Variants in TMEM132C observed in about 807,000 individuals in gnomAD.
TMEM132C encodes the protein transmembrane protein 132C.
TMEM132C carries 29 observed loss-of-function variants against 61.4 expected under a neutral mutation model. The ratio of observed to expected loss-of-function variants is 0.47; its 90% CI spans 0.35 to 0.64. TMEM132C has a LOEUF of 0.64. TMEM132C is among the 30% of genes least tolerant of loss of function. The pLI is 0.00. For synonymous variants in TMEM132C, 656 were observed against 633.1 expected, an observed-to-expected ratio of 1.04 and a Z score of -0.54; for missense variants, 1,408 against 1,476.9, an observed-to-expected ratio of 0.95 and a Z score of 0.76.
chr12:128,295,571 G>A (rs1871382058), intron 1 of TMEM132C, among the ~76,000 whole-genome samples: 1 of 150,264 alleles, frequency 6.7e-6, no homozygotes, highest in Non-Finnish European at 1.5e-5. Context: ...CCCTGGGTAT[G>A]CTTTCATTCC....
chr12:128,568,108 C>A (rs948583098), intron 3 of TMEM132C, among the ~76,000 whole-genome samples: 2 of 152,188 alleles, frequency 1.3e-5, no homozygotes, highest in Non-Finnish European at 2.9e-5. Flanking sequence ...ATTTAGGGAA[C>A]AAATGATGCC....
At chr12:128,288,782 C>T (rs1300555321) in intron 1 of TMEM132C, 1 of 152,214 alleles carries the variant, frequency 6.6e-6, no homozygotes, top group Non-Finnish European at 1.5e-5. Context: ...CAGTCACAGG[C>T]TAAATAAGCC....
At chr12:128,291,045 T>C (rs2135908590) in intron 1 of TMEM132C, among the ~76,000 whole-genome samples, 2 of 152,106 alleles carry the variant, frequency 1.3e-5, no homozygotes, top group South Asian at 4.2e-4. Context: ...TGTAGGTGAG[T>C]GCACCATCCT....
At chr12:128,675,863 A>AGATAGAT (rs1954580250) in intron 5 of TMEM132C, among the ~76,000 whole-genome samples, 1 of 138,180 alleles carries the variant, frequency 7.2e-6, no homozygotes, top group Non-Finnish European at 1.5e-5. Flanking sequence ...ATAGATAGAT[A>AGATAGAT]GATAGATAGA....
At chr12:128,275,878 C>A (rs1870672468) in intron 1 of TMEM132C, among the ~76,000 whole-genome samples, 1 of 152,162 alleles carries the variant, frequency 6.6e-6, no homozygotes, top group South Asian at 2.1e-4. Flanking sequence ...CAGGGCCATG[C>A]ACTGTGCTGA....
chr12:128,685,800 C>G (rs777478005), intron 5 of TMEM132C, among the ~76,000 whole-genome samples: 27 of 152,212 alleles, frequency 1.8e-4, no homozygotes, highest in Non-Finnish European at 2.2e-4. Flanking sequence ...TGTGTGATCA[C>G]GGGCAAGGTA....
At chr12:128,664,144 A>G (rs1216263081) in intron 4 of TMEM132C, among the ~76,000 whole-genome samples, 2 of 147,712 alleles carry the variant, frequency 1.4e-5, no homozygotes, top group African/African-American at 5.2e-5. Context: ...TCACACAGGC[A>G]CACACACATG....
At chr12:128,492,283 C>A (rs1376388666) in intron 2 of TMEM132C, among the ~76,000 whole-genome samples, 1 of 152,112 alleles carries the variant, frequency 6.6e-6, no homozygotes, top group Non-Finnish European at 1.5e-5. Context: ...CAAGTCTTTG[C>A]TATTGTGAAT....
intron 1 of TMEM132C, among the ~76,000 whole-genome samples, chr12:128,333,169 G>A (rs956908920): frequency 6.6e-6 from 1 of 151,274 alleles, no homozygotes; most frequent in African/African-American, 2.4e-5. Flanking sequence ...TTGTGTGTGT[G>A]TTGTGTGTGG....
chr12:128,316,019 C>T (rs1405828942), intron 1 of TMEM132C, among the ~76,000 whole-genome samples: 7 of 151,882 alleles, frequency 4.6e-5, no homozygotes, highest in Admixed American at 4.6e-4. Flanking sequence ...TGTTCTAAGT[C>T]ACCCAGTTTG....
chr12:128,335,282 A>G (rs1220406315), intron 1 of TMEM132C, among the ~76,000 whole-genome samples: 1 of 152,186 alleles, frequency 6.6e-6, no homozygotes, highest in African/African-American at 2.4e-5. Flanking sequence ...AGCTTTTGCA[A>G]AGGAATTTGT....
chr12:128,694,630 C>T (rs1367422322), intron 6 of TMEM132C, among the ~76,000 whole-genome samples: 1 of 152,140 alleles, frequency 6.6e-6, no homozygotes, highest in Admixed American at 6.5e-5. Flanking sequence ...GAATGCTCCA[C>T]CCCAGACCAT....
intron 3 of TMEM132C, among the ~76,000 whole-genome samples, chr12:128,584,055 C>T (rs933493454): frequency 6.6e-6 from 1 of 152,336 alleles, no homozygotes; most frequent in East Asian, 1.9e-4. Context: ...AGGATGAAGA[C>T]AGCTCCTGCC....
intron 3 of TMEM132C, among the ~76,000 whole-genome samples, chr12:128,548,106 G>A (rs772794912): frequency 2.2e-4 from 33 of 152,134 alleles, no homozygotes; most frequent in East Asian, 5.8e-4. Flanking sequence ...GGTTAAACAC[G>A]CCTGTTGTTG....
At chr12:128,498,175 A>G (rs1287016731) in intron 2 of TMEM132C, among the ~76,000 whole-genome samples, 1 of 152,030 alleles carries the variant, frequency 6.6e-6, no homozygotes, top group Non-Finnish European at 1.5e-5. Flanking sequence ...GACTCTTCAA[A>G]TGCATTGCCC....
chr12:128,359,380 T>C (rs929689744), intron 1 of TMEM132C, among the ~76,000 whole-genome samples: 1 of 152,160 alleles, frequency 6.6e-6, no homozygotes, highest in Non-Finnish European at 1.5e-5. Flanking sequence ...GCAAGACTTA[T>C]TCACTACCAT....
chr12:128,295,761 T>G (rs1683704), intron 1 of TMEM132C, among the ~76,000 whole-genome samples: 34,346 of 151,384 alleles, frequency 0.23, 4,358 homozygotes, highest in East Asian at 0.5. Context: ...GATTTCAGTT[T>G]TAAGCACCAA....
rs1167681088 is a variant in TMEM132C, at chr12:128,415,406, C to T, written c.760C>T (p.Pro254Ser). Residue 254 changes from proline to serine, a missense_variant, in exon 2 of 9, where the codon CCA becomes TCA. By Grantham distance (74) the Pro-to-Ser change is moderately conservative. Coordinates refer to ENST00000435159, the MANE Select transcript of TMEM132C (RefSeq NM_001136103.3). The surrounding 1 kb of genome is among the most constrained non-coding windows in gnomAD (Gnocchi z 5.8). Reference protein sequence around the residue: ...GDFRKGNAIRPGKDGLEETTS... With the variant: ...GDFRKGNAIRSGKDGLEETTS... Reference sequence around the variant, plus strand: ...CTTCAGGAAGGGCAACGCCATCCGTCCAGGAAAGGATGGGCTGGAGGAAAC... The same window carrying T: ...CTTCAGGAAGGGCAACGCCATCCGTTCAGGAAAGGATGGGCTGGAGGAAAC... The T allele has an allele frequency of 1.9e-6, 3 of 1,551,280 alleles. No individual in the cohort carries two copies. Among genetic ancestry groups the T allele is most frequent in the Non-Finnish European group, 2.6e-6 (3 of 1,146,686 alleles).
intron 1 of TMEM132C, among the ~76,000 whole-genome samples, chr12:128,339,307 G>A (rs925029159): frequency 6.6e-6 from 1 of 152,032 alleles, no homozygotes; most frequent in Non-Finnish European, 1.5e-5. Context: ...GCAGCCATGG[G>A]AGCCCAGGGG....
Sources: allele counts gnomAD v4.1 joint callset (sites outside exome capture counted in the v4.1 genomes callset), GRCh38; gene constraint gnomAD v4.1.1; non-coding constraint Gnocchi (gnomAD v3.1); transcripts MANE v1.5; gene names NCBI Gene and HGNC (gene_info 2026-07-23, HGNC 2026-07-21).